The following ICE2 variants were observed in gnomAD, a reference collection of about 807,000 sequenced individuals.
The protein encoded by ICE2 is little elongation complex subunit 2.
Under a neutral mutation model 105.4 loss-of-function variants are expected in ICE2, and 87 were observed. The observed-to-expected ratio is 0.83, with a 90% CI of 0.69 to 0.99. The LOEUF is 0.99. ICE2 is among the 50% of genes least tolerant of loss of function. The pLI, the probability that ICE2 is intolerant of heterozygous loss-of-function variation, is 0.00. For missense variants in ICE2, 1,323 were observed against 1,146.7 expected (o/e 1.15, Z -2.22); for synonymous variants, 399 against 392.0 (o/e 1.02, Z -0.21).
At chr15:60,470,442 G>A (rs1470851210) in intron 3 of ICE2, among the ~76,000 whole-genome samples, 2 of 152,214 alleles carry the variant, frequency 1.3e-5, no homozygotes, top group Admixed American at 6.5e-5. Flanking sequence ...GGTGTATTTG[G>A]ATTGTCACAA....
chr15:60,475,981 A>G (rs1313164113), intron 3 of ICE2, 82 bp downstream of exon 3: 3 of 843,326 alleles, frequency 3.6e-6, no homozygotes, highest in African/African-American at 1.7e-5. Context: ...TGAATGTTTA[A>G]TACTAGAGAT....
intron 5 of ICE2, among the ~76,000 whole-genome samples, chr15:60,462,377 G>A (rs1038651399): frequency 6.6e-6 from 1 of 152,152 alleles, no homozygotes; most frequent in African/African-American, 2.4e-5. Flanking sequence ...ACAATGTATT[G>A]TGTTCTTGAA....
At position 60,467,241 on chromosome 15, in the gene ICE2, G is replaced by A. The variant is rs187173941; in HGVS notation, c.409-528C>T. Among the ~76,000 whole-genome samples the A allele has an allele frequency of 5.1e-3, 774 of 152,260 alleles. 2 individuals are homozygous for A. The highest frequency in any genetic ancestry group is 0.018 in the African/African-American group (741 of 41,536). On this transcript the variant is annotated intron_variant, in intron 4 of 15. Coordinates refer to ENST00000261520, the MANE Select transcript of ICE2 (RefSeq NM_024611.6). ...GCCTCCCAAAGTGTTGGGATTACAGGCATGAGCCACTGGGCCTGGCCTCAA... is the reference window on the plus strand; with the variant it reads ...GCCTCCCAAAGTGTTGGGATTACAGACATGAGCCACTGGGCCTGGCCTCAA...
chr15:60,460,568 ACT>A (rs1208207206), intron 5 of ICE2, among the ~76,000 whole-genome samples: 1 of 152,134 alleles, frequency 6.6e-6, no homozygotes, highest in Admixed American at 6.5e-5. Flanking sequence ...TCTCAACCAA[ACT>A]CTGTGCTAAA....
In ICE2 at chr15:60,455,111, G is replaced by A; in HGVS notation, c.835C>T (p.Gln279Ter). ...AEKLVSRYHPQIALTSQSLFT... is the reference protein window; with the variant it reads ...AEKLVSRYHP The stretch of plus-strand genomic sequence containing the variant: ...AATGACTGACTAGTTAGAGCTATCT[G>A]AGGGTGATATCTGGAAACAAGCTTC... The change falls in exon 8 of 16, where the codon CAG (glutamine) becomes TAG (stop). Residue 279 changes from glutamine to a stop codon, truncating the protein, a stop_gained. Coordinates refer to ENST00000261520, the MANE Select transcript of ICE2 (RefSeq NM_024611.6). LOFTEE classifies it high-confidence loss of function. 1 of 1,597,004 alleles carries A rather than the reference G, an allele frequency of 6.3e-7. No individual in the cohort carries two copies. Among genetic ancestry groups the A allele is most frequent in the Non-Finnish European group, 8.5e-7 (1 of 1,175,014 alleles).
chr15:60,476,241 A>G (rs2064758535), intron 2 of ICE2, 74 bp from the exon 3 acceptor site: 2 of 886,798 alleles, frequency 2.3e-6, no homozygotes, highest in South Asian at 1.5e-5. Flanking sequence ...TAATGGCACA[A>G]TTGTAACTTA....
At chr15:60,455,743 G>A (rs556902596) in intron 6 of ICE2, among the ~76,000 whole-genome samples, 3 of 151,826 alleles carry the variant, frequency 2.0e-5, no homozygotes, top group African/African-American at 7.3e-5. Context: ...TCAGCCTCAC[G>A]AATAGCTGGG....
At chr15:60,453,865 G>T (rs926925287) in intron 8 of ICE2, 81 bp from the exon 9 acceptor site, 2 of 1,096,922 alleles carry the variant, frequency 1.8e-6, no homozygotes, top group African/African-American at 3.1e-5. Flanking sequence ...ATGACATGAG[G>T]ATCACCAAAC....
chr15:60,426,371 A>G (rs185923184), intron 15 of ICE2, among the ~76,000 whole-genome samples: 49 of 152,336 alleles, frequency 3.2e-4, no homozygotes, highest in Admixed American at 1.1e-3. Context: ...ACAGGTCTGT[A>G]GACTACCTAA....
At chr15:60,430,405 G>C (rs1413112474) in intron 14 of ICE2, among the ~76,000 whole-genome samples, 1 of 151,674 alleles carries the variant, frequency 6.6e-6, no homozygotes, top group East Asian at 1.9e-4. Flanking sequence ...TTAGACCTCT[G>C]ACTTGAGAAC....
chr15:60,455,613 C>T lies in ICE2; in HGVS notation c.667-171G>A, dbSNP rs559093290. Among the ~76,000 whole-genome samples, 39 of 150,714 alleles carry T rather than the reference C, an allele frequency of 2.6e-4. 1 individual carries two copies. Among genetic ancestry groups the T allele is most frequent in the African/African-American group, 9.0e-4 (37 of 41,196 alleles). On this transcript the variant is annotated intron_variant, in intron 6 of 15. Transcript: ENST00000261520. ...TATTCATGTTTTTGCTTAACAACCA[C>T]TACCTGTGGGTTTTTTTTTTTTGAG...
At chr15:60,435,410 A>G (rs1480749784) in intron 13 of ICE2, among the ~76,000 whole-genome samples, 2 of 151,604 alleles carry the variant, frequency 1.3e-5, no homozygotes, top group African/African-American at 4.9e-5. Flanking sequence ...GACCAGCCTA[A>G]CCAATATGGA....
chr15:60,436,720 CAAAA>C (rs58594280), intron 12 of ICE2, among the ~76,000 whole-genome samples: 3 of 88,014 alleles, frequency 3.4e-5, no homozygotes, highest in African/African-American at 8.8e-5. Flanking sequence ...GACTCTGTCT[CAAAA>C]AAAAAAAAAA....
intron 8 of ICE2, 25 bp downstream of exon 8, chr15:60,454,978 T>C (rs770795269): frequency 2.0e-6 from 3 of 1,524,476 alleles, no homozygotes; most frequent in Non-Finnish European, 1.7e-6. Context: ...TTTGAGAGCA[T>C]TATTTGACAT....
chr15:60,475,092 C>T (rs1323345257), intron 3 of ICE2, among the ~76,000 whole-genome samples: 2 of 152,168 alleles, frequency 1.3e-5, no homozygotes, highest in Admixed American at 6.5e-5. Context: ...ACGTTTCCTC[C>T]ACTGTAAAAG....
chr15:60,447,081 C>G (rs1259430746), intron 11 of ICE2, among the ~76,000 whole-genome samples: 1 of 152,028 alleles, frequency 6.6e-6, no homozygotes, highest in African/African-American at 2.4e-5. Flanking sequence ...AGTAATTACT[C>G]AAATTGCAGC....
intron 5 of ICE2, among the ~76,000 whole-genome samples, chr15:60,461,762 C>G (rs949246205): frequency 6.6e-6 from 1 of 152,118 alleles, no homozygotes; most frequent in Admixed American, 6.5e-5. Context: ...AAACAATGAT[C>G]AACCCAGGAG....
At chr15:60,469,465 A>C (rs564012456) in intron 3 of ICE2, among the ~76,000 whole-genome samples, 6 of 152,148 alleles carry the variant, frequency 3.9e-5, no homozygotes, top group South Asian at 4.1e-4. Context: ...ACAAAAAACA[A>C]AAAACACAAA....
intron 14 of ICE2, 68 bp from the exon 15 acceptor site, chr15:60,428,755 A>G: frequency 6.6e-7 from 1 of 1,509,512 alleles, no homozygotes. Flanking sequence ...TTTCTTAATC[A>G]TAATCTATTA....
Sources: allele counts gnomAD v4.1 joint callset (sites outside exome capture counted in the v4.1 genomes callset), GRCh38; gene constraint gnomAD v4.1.1; transcripts MANE v1.5; gene names NCBI Gene and HGNC (gene_info 2026-07-23, HGNC 2026-07-21).